LRRTM4: variants seen among roughly 807,000 people sequenced by gnomAD.
LRRTM4 encodes the protein leucine-rich repeat transmembrane neuronal protein 4.
A neutral mutation model predicts 47.6 loss-of-function variants in LRRTM4; 25 were observed. The observed-to-expected ratio is 0.53, with a 90% CI of 0.38 to 0.73. LRRTM4 has a LOEUF of 0.73. Among genes scored for constraint, LRRTM4 ranks in the 30% least tolerant of loss-of-function variants. LRRTM4 has a pLI of 0.00. For missense variants in LRRTM4, 638 were observed against 713.4 expected, an observed-to-expected ratio of 0.89 and a Z score of 1.20; for synonymous variants, 311 against 269.5, an observed-to-expected ratio of 1.15 and a Z score of -1.51.
intron 3 of LRRTM4, among the ~76,000 whole-genome samples, chr2:77,480,820 GTGGAGAGAGAGAGAGAGA>G (rs1411210735): frequency 1.8e-4 from 18 of 99,126 alleles, no homozygotes; most frequent in East Asian, 6.6e-4. Flanking sequence ...GTGTGTGTGT[GTGGAGAGAGAGAGAGAGA>G]GAGAGAGAGA....
rs570562310 is a variant in LRRTM4, at chr2:77,235,115, C to G, written c.1551+283203G>C. Among the ~76,000 whole-genome samples, 27 of 152,276 alleles carry G rather than the reference C, an allele frequency of 1.8e-4. No individual in the cohort carries two copies. In the South Asian group the frequency reaches 5.4e-3, roughly 30 times the overall value. Reference sequence around the variant, plus strand: ...CTATGGTGGATATGTACCACATTTTCTGTATCCAATCCAACATTGATGGGC... The same window carrying G: ...CTATGGTGGATATGTACCACATTTTGTGTATCCAATCCAACATTGATGGGC... On this transcript the variant is annotated intron_variant, in intron 3 of 3. Coordinates refer to ENST00000409884, the MANE Select transcript of LRRTM4 (RefSeq NM_001134745.3).
At chr2:77,178,421 AC>A (rs1673257668) in intron 3 of LRRTM4, among the ~76,000 whole-genome samples, 1 of 152,054 alleles carries the variant, frequency 6.6e-6, no homozygotes, top group Admixed American at 6.6e-5. Flanking sequence ...CCCCGTCTCT[AC>A]CGAAAAAACA....
chr2:77,064,357 A>G (rs191383594), intron 3 of LRRTM4, among the ~76,000 whole-genome samples: 1 of 152,296 alleles, frequency 6.6e-6, no homozygotes, highest in East Asian at 1.9e-4. Flanking sequence ...TGTGGTATAT[A>G]TATAGTAGAG....
intron 3 of LRRTM4, among the ~76,000 whole-genome samples, chr2:77,261,056 G>A (rs1053707914): frequency 1.3e-5 from 2 of 152,000 alleles, no homozygotes; most frequent in Non-Finnish European, 2.9e-5. Flanking sequence ...GCCTATAGGT[G>A]AAAAATTGAG....
intron 3 of LRRTM4, among the ~76,000 whole-genome samples, chr2:77,356,637 C>A (rs1408368494): frequency 6.6e-6 from 1 of 152,130 alleles, no homozygotes; most frequent in Non-Finnish European, 1.5e-5. Context: ...AGCGCCTATG[C>A]TATCATTTCA....
intron 3 of LRRTM4, among the ~76,000 whole-genome samples, chr2:76,802,604 C>G (rs1430627211): frequency 6.6e-6 from 1 of 151,988 alleles, no homozygotes; most frequent in African/African-American, 2.4e-5. Flanking sequence ...TAATAGGAAA[C>G]AGAATTGTAC....
chr2:76,905,704 A>C (rs1573291334), intron 3 of LRRTM4, among the ~76,000 whole-genome samples: 1 of 149,022 alleles, frequency 6.7e-6, no homozygotes, highest in Non-Finnish European at 1.5e-5. Flanking sequence ...AGAATGCAGA[A>C]GCCTCAGGAG....
At chr2:77,386,679 T>C (rs911874680) in intron 3 of LRRTM4, among the ~76,000 whole-genome samples, 4 of 152,102 alleles carry the variant, frequency 2.6e-5, no homozygotes, top group African/African-American at 9.7e-5. Context: ...ATCGCCACAC[T>C]GTCTTCCACA....
At chr2:76,787,046 A>G (rs911950361) in intron 3 of LRRTM4, among the ~76,000 whole-genome samples, 2 of 152,048 alleles carry the variant, frequency 1.3e-5, no homozygotes, top group African/African-American at 4.8e-5. Context: ...GTACATAAGG[A>G]TGCCCTAAGG....
intron 3 of LRRTM4, among the ~76,000 whole-genome samples, chr2:77,353,647 C>T (rs538092732): frequency 1.3e-5 from 2 of 151,912 alleles, no homozygotes; most frequent in Non-Finnish European, 2.9e-5. Context: ...TCCTTTTTTA[C>T]CTTTTGAAGC....
At chr2:76,841,273 T>G (rs1413980776) in intron 3 of LRRTM4, among the ~76,000 whole-genome samples, 14 of 140,990 alleles carry the variant, frequency 9.9e-5, no homozygotes, top group African/African-American at 1.9e-4. Flanking sequence ...TGGGGACTGT[T>G]GTGGGGTGGG....
chr2:76,811,679 A>T (rs539876919), intron 3 of LRRTM4, among the ~76,000 whole-genome samples: 1 of 152,304 alleles, frequency 6.6e-6, no homozygotes, highest in South Asian at 2.1e-4. Context: ...GGCTGACTTC[A>T]TGTATGTATG....
intron 3 of LRRTM4, among the ~76,000 whole-genome samples, chr2:76,849,674 A>C (rs1671935949): frequency 6.6e-6 from 1 of 152,110 alleles, no homozygotes; most frequent in South Asian, 2.1e-4. Context: ...ATAAATTCCA[A>C]AATTCATAAT....
intron 3 of LRRTM4, among the ~76,000 whole-genome samples, chr2:77,157,119 C>T (rs150889604): frequency 3.9e-5 from 6 of 152,194 alleles, no homozygotes; most frequent in Non-Finnish European, 7.4e-5. Flanking sequence ...CATTACTTAA[C>T]ATTAGAAATC....
At chr2:76,967,157 CTTTT>C (rs537519196) in intron 3 of LRRTM4, among the ~76,000 whole-genome samples, 2 of 134,696 alleles carry the variant, frequency 1.5e-5, no homozygotes, top group South Asian at 2.3e-4. Context: ...CATTCCCTTG[CTTTT>C]TTTTTTTTTT....
At chr2:77,201,140 G>A (rs1432869352) in intron 3 of LRRTM4, among the ~76,000 whole-genome samples, 2 of 151,992 alleles carry the variant, frequency 1.3e-5, no homozygotes, top group Non-Finnish European at 2.9e-5. Context: ...AATATTCAAA[G>A]TATGAACAAT....
At chr2:76,777,770 G>A (rs1353045106) in intron 3 of LRRTM4, among the ~76,000 whole-genome samples, 13 of 137,378 alleles carry the variant, frequency 9.5e-5, no homozygotes, top group Admixed American at 2.2e-4. Flanking sequence ...CTGCCTAATT[G>A]CCCTGGCCAG....
chr2:76,795,851 C>T (rs188445734), intron 3 of LRRTM4, among the ~76,000 whole-genome samples: 1,590 of 152,074 alleles, frequency 0.01, 12 homozygotes, highest in Middle Eastern at 0.017. Context: ...GTCTACAGCT[C>T]CCAGCGTGAG....
chr2:77,460,972 C>G (rs1218188775), intron 3 of LRRTM4, among the ~76,000 whole-genome samples: 1 of 151,988 alleles, frequency 6.6e-6, no homozygotes, highest in African/African-American at 2.4e-5. Context: ...ATATAGACTA[C>G]ATTTTAAAGA....
Sources: gnomAD v4.1 joint callset for allele counts (sites outside exome capture counted in the v4.1 genomes callset) on GRCh38, gnomAD v4.1.1 for gene constraint, MANE v1.5 for transcripts, NCBI Gene and HGNC (gene_info 2026-07-23, HGNC 2026-07-21) for gene names.